SHROOM3: variants seen among roughly 807,000 people sequenced by gnomAD.
SHROOM3 encodes shroom family member 3, also known as protein Shroom3.
Under a neutral mutation model 138.6 loss-of-function variants are expected in SHROOM3, and 47 were observed. That is an observed-to-expected ratio of 0.34 (90% confidence interval 0.27 to 0.43). The LOEUF is 0.43. Ranked by LOEUF, SHROOM3 falls within the 20% of genes least tolerant of loss-of-function variation. The pLI is 1.00. For missense variants in SHROOM3, 2,491 were observed against 2,596.5 expected, an observed-to-expected ratio of 0.96 and a Z score of 0.88; for synonymous variants, 1,062 against 1,063.3, an observed-to-expected ratio of 1.00 and a Z score of 0.02.
At chr4:76,646,323 C>G (rs11723196) in intron 2 of SHROOM3, among the ~76,000 whole-genome samples, 2,534 of 149,696 alleles carry the variant, frequency 0.017, 31 homozygotes, top group Non-Finnish European at 0.028. Context: ...TGTCCCAAAA[C>G]TTCAATTCTT....
intron 2 of SHROOM3, among the ~76,000 whole-genome samples, chr4:76,639,081 A>G (rs564081248): frequency 6.6e-6 from 1 of 152,224 alleles, no homozygotes; most frequent in African/African-American, 2.4e-5. Flanking sequence ...AGACATGGTA[A>G]GGCAGTCCCC....
chr4:76,484,662 C>G (rs577199214), intron 1 of SHROOM3, among the ~76,000 whole-genome samples: 45 of 152,174 alleles, frequency 3.0e-4, no homozygotes, highest in Non-Finnish European at 4.9e-4. Context: ...TTTTGACTTT[C>G]CCTTCTTTTA....
chr4:76,749,118 T>C (rs1258711486), intron 6 of SHROOM3, 28 bp downstream of exon 6: 1 of 1,571,570 alleles, frequency 6.4e-7, no homozygotes, highest in Non-Finnish European at 8.8e-7. Context: ...TGATGCTCTC[T>C]GCATATGAAT....
intron 2 of SHROOM3, among the ~76,000 whole-genome samples, chr4:76,709,332 C>T (rs1309190116): frequency 6.6e-6 from 1 of 152,170 alleles, no homozygotes; most frequent in East Asian, 1.9e-4. Context: ...ACCACTGGTT[C>T]CCCACAAACA....
chr4:76,679,205 C>T (rs914191022), intron 2 of SHROOM3, among the ~76,000 whole-genome samples: 6 of 152,220 alleles, frequency 3.9e-5, no homozygotes, highest in Admixed American at 3.3e-4. Flanking sequence ...TTCTAGTTCT[C>T]CTGTCTCCTT....
At chr4:76,599,614 G>T (rs1236745728) in intron 2 of SHROOM3, among the ~76,000 whole-genome samples, 1 of 152,150 alleles carries the variant, frequency 6.6e-6, no homozygotes, top group African/African-American at 2.4e-5. Context: ...TCATCATGAC[G>T]GTGTCCTAGC....
chr4:76,455,655 T>C (rs1731012523), intron 1 of SHROOM3, among the ~76,000 whole-genome samples: 1 of 152,086 alleles, frequency 6.6e-6, no homozygotes, highest in South Asian at 2.1e-4. Context: ...TCAAAGAATA[T>C]ATAGAAAAAG....
chr4:76,693,266 A>G (rs1719609131), intron 2 of SHROOM3, among the ~76,000 whole-genome samples: 2 of 149,614 alleles, frequency 1.3e-5, no homozygotes, highest in African/African-American at 5.0e-5. Context: ...ATGAAAAAGT[A>G]TTTACACTTT....
chr4:76,554,766 C>G (rs747374144), intron 1 of SHROOM3, among the ~76,000 whole-genome samples: 6 of 152,042 alleles, frequency 3.9e-5, no homozygotes, highest in South Asian at 2.1e-4. Context: ...CCCCAGGCCA[C>G]GGACCATTAC....
intron 1 of SHROOM3, among the ~76,000 whole-genome samples, chr4:76,546,095 T>C (rs1733210002): frequency 6.6e-6 from 1 of 152,106 alleles, no homozygotes. Context: ...ATGGTCATCT[T>C]AAGTGTGAGA....
intron 2 of SHROOM3, among the ~76,000 whole-genome samples, chr4:76,594,762 G>T (rs940045143): frequency 6.6e-6 from 1 of 152,204 alleles, no homozygotes; most frequent in Non-Finnish European, 1.5e-5. Context: ...TGCAAATCTG[G>T]ATTTGGTGCA....
intron 1 of SHROOM3, among the ~76,000 whole-genome samples, chr4:76,479,562 A>T (rs760953090): frequency 6.6e-6 from 1 of 152,166 alleles, no homozygotes; most frequent in Non-Finnish European, 1.5e-5. Flanking sequence ...ACTCTTCAGG[A>T]TATTATCCAG....
chr4:76,700,926 A>AG (rs1719887701), intron 2 of SHROOM3, among the ~76,000 whole-genome samples: 1 of 152,084 alleles, frequency 6.6e-6, no homozygotes, highest in Non-Finnish European at 1.5e-5. Context: ...CTGGGATTAC[A>AG]GGTGTGAGCC....
At position 76,740,283 on chromosome 4, in the gene SHROOM3, C is replaced by T. The variant is rs754715895; in HGVS notation, c.2110C>T (p.Pro704Ser). ...TGCAGTCAACACCAAGGCAGAAGAC[C>T]CTGGGAGGAAAGCCGCTCCTGACCT... Reference protein sequence around the residue: ...TCAVNTKAEDPGRKAAPDLGS... With the variant: ...TCAVNTKAEDSGRKAAPDLGS... The change falls in exon 5 of 11, where the codon CCT (proline) becomes TCT (serine). Residue 704 changes from proline to serine, a missense_variant. This residue lies in a region of SHROOM3 where 1,733 missense variants were observed against 1,661.6 expected (regional missense o/e 1.04). Coordinates refer to ENST00000296043, the MANE Select transcript of SHROOM3 (RefSeq NM_020859.4). This position sits in a 1 kb window ranked among gnomAD's most constrained non-coding sequence, Gnocchi z 4.0. 8.1e-6 allele frequency: 13 copies of T among 1,613,162 alleles called. No individual in the cohort carries two copies. In the South Asian group the frequency reaches 9.9e-5, roughly 12 times the overall value.
intron 2 of SHROOM3, among the ~76,000 whole-genome samples, chr4:76,669,929 A>T (rs1262139187): frequency 6.6e-6 from 1 of 152,236 alleles, no homozygotes; most frequent in African/African-American, 2.4e-5. Context: ...ACCATATCTC[A>T]TAGGCACTTG....
chr4:76,748,936 TCTC>T (rs1423405909), intron 5 of SHROOM3, 78 bp from the exon 6 acceptor site: 8 of 1,377,344 alleles, frequency 5.8e-6, no homozygotes, highest in Admixed American at 1.7e-5. Context: ...AGGTGTTCCT[TCTC>T]CTTTTTACCT....
intron 2 of SHROOM3, among the ~76,000 whole-genome samples, chr4:76,681,214 CTTAG>C (rs1719181840): frequency 6.6e-6 from 1 of 152,182 alleles, no homozygotes; most frequent in South Asian, 2.1e-4. Context: ...CTCCCCTCCT[CTTAG>C]TTAGCAAGTT....
chr4:76,641,534 C>T (rs377544325), intron 2 of SHROOM3, among the ~76,000 whole-genome samples: 1 of 152,172 alleles, frequency 6.6e-6, no homozygotes, highest in Non-Finnish European at 1.5e-5. Flanking sequence ...ACACCCTAGC[C>T]GATGCACGGA....
At chr4:76,459,403 C>T (rs1731097278) in intron 1 of SHROOM3, among the ~76,000 whole-genome samples, 1 of 152,148 alleles carries the variant, frequency 6.6e-6, no homozygotes, top group South Asian at 2.1e-4. Flanking sequence ...TTTTTTCCCC[C>T]TCTTGTCATA....
Sources: gnomAD v4.1 joint callset for allele counts (sites outside exome capture counted in the v4.1 genomes callset) on GRCh38, gnomAD v4.1.1 for gene constraint, gnomAD v4.1.1 regional missense constraint, Gnocchi (gnomAD v3.1) non-coding constraint, MANE v1.5 for transcripts, NCBI Gene and HGNC (gene_info 2026-07-23, HGNC 2026-07-21) for gene names.